Variants in SEMA3A observed in about 807,000 individuals in gnomAD.
SEMA3A encodes the protein semaphorin 3A.
In SEMA3A, 29 loss-of-function variants were observed where a neutral mutation model predicts 97.9. The observed-to-expected ratio is 0.30, with a 90% CI of 0.22 to 0.40. SEMA3A has a LOEUF of 0.40. Ranked by LOEUF, SEMA3A falls within the 10% of genes least tolerant of loss-of-function variation. The pLI, the probability that SEMA3A is intolerant of heterozygous loss-of-function variation, is 1.00. For synonymous variants in SEMA3A, 321 were observed against 323.7 expected (o/e 0.99, Z 0.09); for missense variants, 763 against 951.3 (o/e 0.80, Z 2.60).
intron 2 of SEMA3A, among the ~76,000 whole-genome samples, chr7:84,359,906 A>G (rs28807744): frequency 0.28 from 41,404 of 148,578 alleles, 6,166 homozygotes; most frequent in African/African-American, 0.37. Context: ...TTTCTTCTAG[A>G]TTTTCTAGTT....
chr7:84,018,802 T>C (rs1216934586), intron 6 of SEMA3A, among the ~76,000 whole-genome samples: 1 of 152,184 alleles, frequency 6.6e-6, no homozygotes, highest in African/African-American at 2.4e-5. Flanking sequence ...TTCAGAAATA[T>C]ATCTGGCCTA....
intron 1 of SEMA3A, among the ~76,000 whole-genome samples, chr7:84,160,201 G>A (rs1435468595): frequency 6.6e-6 from 1 of 151,252 alleles, no homozygotes; most frequent in Non-Finnish European, 1.5e-5. Context: ...TATTTAGTGA[G>A]ATTAAAAAAA....
At chr7:84,292,614 A>T (rs1800777353) in intron 3 of SEMA3A, among the ~76,000 whole-genome samples, 1 of 152,012 alleles carries the variant, frequency 6.6e-6, no homozygotes, top group Non-Finnish European at 1.5e-5. Flanking sequence ...AATCTGTAGG[A>T]GGTAGAAAAT....
intron 1 of SEMA3A, among the ~76,000 whole-genome samples, chr7:84,485,416 C>T (rs562762219): frequency 9.2e-5 from 14 of 151,554 alleles, no homozygotes; most frequent in Non-Finnish European, 1.9e-4. Flanking sequence ...TACTCTGCCA[C>T]CCAGGCTGGA....
chr7:84,142,881 C>G (rs533202987), intron 1 of SEMA3A, among the ~76,000 whole-genome samples: 4 of 152,114 alleles, frequency 2.6e-5, no homozygotes, highest in African/African-American at 9.7e-5. Flanking sequence ...GAATTCACTC[C>G]TTTTTCTTCT....
intron 6 of SEMA3A, among the ~76,000 whole-genome samples, chr7:84,024,856 G>A (rs1791490805): frequency 6.6e-6 from 1 of 152,170 alleles, no homozygotes; most frequent in African/African-American, 2.4e-5. Flanking sequence ...GGGAGGCCGA[G>A]GCAGGTGAAT....
At chr7:84,119,041 A>G (rs1165250673) in intron 3 of SEMA3A, among the ~76,000 whole-genome samples, 1 of 152,182 alleles carries the variant, frequency 6.6e-6, no homozygotes, top group Admixed American at 6.5e-5. Flanking sequence ...GTAAGAACTA[A>G]TGACTAAAGG....
rs1286984174 is a variant in SEMA3A at position 84,394,795 on chromosome 7, A to G, written c.-245-22895T>C. Among the ~76,000 whole-genome samples, 3 of 152,186 alleles carry G rather than the reference A, an allele frequency of 2.0e-5. No homozygotes were observed. The East Asian group carries it at 5.8e-4, about 29-fold the overall frequency. ...ACTGAAATGGATCTTCTGATGAAAT[A>G]CTAATAAAAGAGCTACATAAAATGT... On this transcript the variant is annotated intron_variant, in intron 1 of 3. Transcript: ENST00000424555.
chr7:83,983,213 CCTTTT>C (rs1414366354), intron 13 of SEMA3A, among the ~76,000 whole-genome samples: 1 of 147,496 alleles, frequency 6.8e-6, no homozygotes. Context: ...CTCTTTCTTT[CCTTTT>C]CTTTTTCTTT....
Position 83,961,857 on chromosome 7 carries a change from T to A in SEMA3A, c.1861-31A>T, listed in dbSNP as rs747690083. 1.3e-5 allele frequency: 20 copies of A among 1,506,610 alleles called. No homozygotes were observed. In the African/African-American group the frequency reaches 2.5e-4, roughly 19 times the overall value. The allele number at this position is 1,506,610 out of a possible 1,614,324, so 93.3% of individuals were successfully genotyped here. On this transcript the variant is annotated intron_variant, in intron 16 of 16. Coordinates refer to ENST00000265362, the MANE Select transcript of SEMA3A (RefSeq NM_006080.3). Reference sequence around the variant, plus strand: ...AGGTTAAAAAAAAGGCAGTGTAAAATATACATATTTAAAAGAAATAGAAGC... The same window carrying A: ...AGGTTAAAAAAAAGGCAGTGTAAAAAATACATATTTAAAAGAAATAGAAGC...
chr7:84,152,804 T>A (rs1287221767), intron 1 of SEMA3A, among the ~76,000 whole-genome samples: 2 of 152,072 alleles, frequency 1.3e-5, no homozygotes, highest in Non-Finnish European at 2.9e-5. Context: ...TGTATTTTAT[T>A]TTTATATTTC....
In SEMA3A at chr7:83,980,603, C is replaced by CAAAAAAAAAA. The variant is rs749889921; in HGVS notation, c.1652+708_1652+717dup. Among the ~76,000 whole-genome samples, 181 of 53,924 alleles carry CAAAAAAAAAA rather than the reference C, an allele frequency of 3.4e-3. 5 individuals are homozygous for CAAAAAAAAAA. Among genetic ancestry groups the CAAAAAAAAAA allele is most frequent in the Middle Eastern group, 0.023 (1 of 44 alleles). The allele number at this position is 53,924 out of a possible 152,430, so 35.4% of individuals were successfully genotyped here. On this transcript the variant is annotated intron_variant, in intron 14 of 16. Coordinates refer to ENST00000265362, the MANE Select transcript of SEMA3A (RefSeq NM_006080.3). ...CTGGTGACAGAGTGAGACTCCATCT[C>CAAAAAAAAAA]AAAAAAAAAAAAAAAAAAAAATATA...
chr7:84,404,494 C>G (rs1357603136), intron 1 of SEMA3A, among the ~76,000 whole-genome samples: 1 of 152,134 alleles, frequency 6.6e-6, no homozygotes, highest in Non-Finnish European at 1.5e-5. Context: ...AGGAGAACTT[C>G]CCCAATCTAG....
chr7:84,402,986 T>C (rs1337168620), intron 1 of SEMA3A, among the ~76,000 whole-genome samples: 1 of 152,092 alleles, frequency 6.6e-6, no homozygotes, highest in Non-Finnish European at 1.5e-5. Flanking sequence ...AGAAGACAGA[T>C]GATTTCTGCA....
chr7:84,383,148 G>A (rs1018024112), intron 1 of SEMA3A, among the ~76,000 whole-genome samples: 1 of 152,026 alleles, frequency 6.6e-6, no homozygotes, highest in Non-Finnish European at 1.5e-5. Context: ...TACATTGCAA[G>A]CTATTAATTT....
At chr7:84,165,530 T>C (rs892738279) in intron 1 of SEMA3A, among the ~76,000 whole-genome samples, 5 of 152,112 alleles carry the variant, frequency 3.3e-5, no homozygotes, top group African/African-American at 1.2e-4. Context: ...TGAGTTCACT[T>C]GTAGCATAGC....
chr7:84,143,195 A>G (rs1425484850), intron 1 of SEMA3A, among the ~76,000 whole-genome samples: 1 of 152,150 alleles, frequency 6.6e-6, no homozygotes, highest in Admixed American at 6.6e-5. Context: ...ACTTTCTACA[A>G]AACACATGCA....
chr7:84,092,963 A>C (rs776632888), intron 4 of SEMA3A, among the ~76,000 whole-genome samples: 8 of 152,290 alleles, frequency 5.3e-5, no homozygotes, highest in Non-Finnish European at 1.2e-4. Context: ...AAAAAAATCA[A>C]ATGTGTTAAA....
At chr7:84,315,220 T>C (rs923581970) in intron 2 of SEMA3A, among the ~76,000 whole-genome samples, 6 of 152,116 alleles carry the variant, frequency 3.9e-5, no homozygotes, top group African/African-American at 1.4e-4. Context: ...TGATACGAAA[T>C]AGCAGACGAT....
Sources: allele counts gnomAD v4.1 joint callset (sites outside exome capture counted in the v4.1 genomes callset), GRCh38; gene constraint gnomAD v4.1.1; transcripts MANE v1.5; gene names NCBI Gene and HGNC (gene_info 2026-07-23, HGNC 2026-07-21).